CYP39A1: variants seen among roughly 807,000 people sequenced by gnomAD.
The protein encoded by CYP39A1 is 24-hydroxycholesterol 7-alpha-hydroxylase.
A neutral mutation model predicts 58.1 loss-of-function variants in CYP39A1; 49 were observed. That is an observed-to-expected ratio of 0.84 (90% CI 0.67 to 1.07). The LOEUF (loss-of-function observed/expected upper bound fraction) is 1.07, where lower values mean the gene tolerates loss of function less well. CYP39A1 is among the 50% of genes least tolerant of loss of function. The pLI is 0.00. For missense variants in CYP39A1, 531 were observed against 539.4 expected (o/e 0.98, Z 0.16); for synonymous variants, 209 against 187.6 (o/e 1.11, Z -0.93).
intron 10 of CYP39A1, among the ~76,000 whole-genome samples, chr6:46,557,506 G>A (rs558078820): frequency 3.7e-4 from 56 of 151,988 alleles, no homozygotes; most frequent in African/African-American, 1.1e-3. Context: ...AGCTGGGCAC[G>A]GTGGTGTGTG....
intron 4 of CYP39A1, 125 bp downstream of exon 4, chr6:46,637,704 G>A: frequency 1.1e-6 from 1 of 952,064 alleles, no homozygotes; most frequent in Non-Finnish European, 1.6e-6. Flanking sequence ...AAACAAACAG[G>A]TCATAAGAAA....
intron 7 of CYP39A1, among the ~76,000 whole-genome samples, chr6:46,605,614 C>T (rs1773799403): frequency 6.6e-6 from 1 of 152,080 alleles, no homozygotes; most frequent in Non-Finnish European, 1.5e-5. Flanking sequence ...AATGCAGGAA[C>T]TAGGAATCAA....
chr6:46,553,115 A>G (rs1045683874), intron 11 of CYP39A1, among the ~76,000 whole-genome samples: 1 of 150,038 alleles, frequency 6.7e-6, no homozygotes, highest in Non-Finnish European at 1.5e-5. Context: ...GCAATTCTGT[A>G]GCCCCTCCCC....
At chr6:46,603,388 T>C (rs77891645) in intron 7 of CYP39A1, among the ~76,000 whole-genome samples, 29 of 152,364 alleles carry the variant, frequency 1.9e-4, no homozygotes, top group African/African-American at 6.5e-4. Context: ...TAGATGAATA[T>C]ACAGTTGACT....
intron 10 of CYP39A1, among the ~76,000 whole-genome samples, chr6:46,570,170 C>T (rs1474935364): frequency 6.6e-6 from 1 of 152,016 alleles, no homozygotes; most frequent in South Asian, 2.1e-4. Flanking sequence ...CTCTTATGAT[C>T]CTATGTGTTA....
intron 10 of CYP39A1, among the ~76,000 whole-genome samples, chr6:46,569,363 T>A (rs1208252660): frequency 6.6e-6 from 1 of 152,134 alleles, no homozygotes; most frequent in Non-Finnish European, 1.5e-5. Flanking sequence ...ATTTCTTTTA[T>A]TTCTTTTTTT....
chr6:46,629,816 T>G (rs74905178), intron 6 of CYP39A1, among the ~76,000 whole-genome samples: 31 of 152,308 alleles, frequency 2.0e-4, no homozygotes, highest in African/African-American at 7.0e-4. Context: ...TAATTTCAGA[T>G]AATATAAGTA....
At chr6:46,606,685 A>C (rs528632958) in intron 7 of CYP39A1, among the ~76,000 whole-genome samples, 3 of 152,354 alleles carry the variant, frequency 2.0e-5, no homozygotes, top group African/African-American at 7.2e-5. Context: ...GTTGAAAATC[A>C]AGTAAAAGAA....
At chr6:46,650,655 C>T (rs1762628876) in intron 1 of CYP39A1, among the ~76,000 whole-genome samples, 1 of 149,176 alleles carries the variant, frequency 6.7e-6, no homozygotes, top group South Asian at 2.1e-4. Context: ...AGGCATGTGC[C>T]ACTGGACCAG....
At chr6:46,626,614 A>C (rs1327429706) in intron 6 of CYP39A1, among the ~76,000 whole-genome samples, 1 of 152,188 alleles carries the variant, frequency 6.6e-6, no homozygotes, top group Non-Finnish European at 1.5e-5. Flanking sequence ...TACTGTTTAC[A>C]TAAACGATGT....
intron 7 of CYP39A1, among the ~76,000 whole-genome samples, chr6:46,621,186 G>A (rs1582418025): frequency 6.6e-6 from 1 of 151,338 alleles, no homozygotes; most frequent in African/African-American, 2.4e-5. Context: ...AGGAAAAAAA[G>A]GAATCAACAG....
At chr6:46,611,679 T>C (rs1041198207) in intron 7 of CYP39A1, among the ~76,000 whole-genome samples, 1 of 152,186 alleles carries the variant, frequency 6.6e-6, no homozygotes, top group Non-Finnish European at 1.5e-5. Flanking sequence ...ATCATGATTT[T>C]TTTTCAAGGA....
intron 8 of CYP39A1, among the ~76,000 whole-genome samples, chr6:46,590,178 A>ATC (rs1458489093): frequency 1.3e-5 from 2 of 152,170 alleles, no homozygotes; most frequent in Non-Finnish European, 2.9e-5. Flanking sequence ...GAGGGAGGCA[A>ATC]AACAGTTGCA....
At chr6:46,619,413 T>G (rs1445909453) in intron 7 of CYP39A1, among the ~76,000 whole-genome samples, 1 of 152,010 alleles carries the variant, frequency 6.6e-6, no homozygotes, top group African/African-American at 2.4e-5. Context: ...ACGTTGCATT[T>G]TGGTGGGGTA....
In CYP39A1 at chr6:46,577,849, C is replaced by T. The variant is rs1771922688; in HGVS notation, c.1250+9228G>A. On this transcript the variant is annotated intron_variant, in intron 10 of 11. Coordinates refer to ENST00000275016, the MANE Select transcript of CYP39A1 (RefSeq NM_016593.5). ...AATAGTGGGAGACTTTAACAACACA[C>T]TGACAGTGTCAGACAAGTCATCAAA... 3.3e-5 allele frequency among the ~76,000 whole-genome samples: 5 copies of T among 152,134 alleles called. No individual in the cohort carries two copies. In the South Asian group the frequency reaches 1.0e-3, roughly 31 times the overall value.
intron 5 of CYP39A1, among the ~76,000 whole-genome samples, chr6:46,635,523 C>A (rs896953200): frequency 2.0e-5 from 3 of 152,124 alleles, no homozygotes; most frequent in Admixed American, 1.3e-4. Flanking sequence ...CTTGTTAAAG[C>A]AGATTGTCTA....
intron 10 of CYP39A1, among the ~76,000 whole-genome samples, chr6:46,556,964 A>G (rs991658364): frequency 1.3e-5 from 2 of 152,282 alleles, no homozygotes; most frequent in Admixed American, 1.3e-4. Flanking sequence ...ACAGGTTCAT[A>G]AAGGTAGAAA....
chr6:46,608,226 A>T (rs1773969398), intron 7 of CYP39A1, among the ~76,000 whole-genome samples: 2 of 152,330 alleles, frequency 1.3e-5, no homozygotes, highest in South Asian at 2.1e-4. Flanking sequence ...CATTTGTATG[A>T]CTTCTATGCA....
chr6:46,565,098 AG>A (rs1156334954), intron 10 of CYP39A1, among the ~76,000 whole-genome samples: 6 of 152,170 alleles, frequency 3.9e-5, no homozygotes, highest in African/African-American at 1.4e-4. Context: ...AAAGTTTCTG[AG>A]TCGGGAGATC....
Sources: gnomAD v4.1 joint callset for allele counts (sites outside exome capture counted in the v4.1 genomes callset) on GRCh38, gnomAD v4.1.1 for gene constraint, MANE v1.5 for transcripts, NCBI Gene and HGNC (gene_info 2026-07-23, HGNC 2026-07-21) for gene names.